The following CNTN6 variants were observed in gnomAD, a reference collection of about 807,000 sequenced individuals.
CNTN6 encodes contactin 6.
In CNTN6, 137 loss-of-function variants were observed where a neutral mutation model predicts 122.8. The ratio of observed to expected loss-of-function variants is 1.12; its 90% confidence interval spans 0.97 to 1.29. The LOEUF (loss-of-function observed/expected upper bound fraction) is 1.29. Among genes scored for constraint, CNTN6 ranks in the 50% most tolerant of loss-of-function variants. CNTN6 has a pLI of 0.00. For synonymous variants in CNTN6, 570 were observed against 426.0 expected (o/e 1.34, Z -4.16); for missense variants, 1,634 against 1,223.4 (o/e 1.34, Z -5.01).
At position 1,278,427 on chromosome 3, in the gene CNTN6, G is replaced by T; in HGVS notation, c.373G>T (p.Glu125Ter). ...KLQFAYIEDF[E>*]TKTRSTVSVR... ...TGTTTTCCAAGATATTGAAGACTTT[G>T]AAACTAAAACAAGAAGCACAGTATC... Residue 125 changes from glutamate to a stop codon, truncating the protein, a stop_gained, in exon 5 of 23, where the codon GAA becomes TAA. Coordinates refer to ENST00000446702, the MANE Select transcript of CNTN6 (RefSeq NM_001289080.2). LOFTEE classifies it high-confidence loss of function. The T allele has an allele frequency of 1.2e-6, 2 of 1,605,144 alleles. No homozygotes were observed. The highest frequency in any genetic ancestry group is 8.5e-7 in the Non-Finnish European group (1 of 1,174,010).
chr3:1,307,329 G>T (rs1386410404), intron 7 of CNTN6, among the ~76,000 whole-genome samples: 1 of 151,880 alleles, frequency 6.6e-6, no homozygotes, highest in Non-Finnish European at 1.5e-5. Flanking sequence ...ATTATTTAAG[G>T]GTTTCTTGTA....
At chr3:1,331,739 T>G (rs1010172460) in intron 11 of CNTN6, among the ~76,000 whole-genome samples, 1 of 151,694 alleles carries the variant, frequency 6.6e-6, no homozygotes, top group Admixed American at 6.6e-5. Flanking sequence ...ATGATGGCAT[T>G]TACCTTCCAC....
chr3:1,382,078 C>T (rs1280608594), intron 17 of CNTN6, among the ~76,000 whole-genome samples: 1 of 151,290 alleles, frequency 6.6e-6, no homozygotes, highest in African/African-American at 2.4e-5. Flanking sequence ...TCAGGTGTTG[C>T]CTTTATTAGT....
At chr3:1,371,412 C>A (rs1034695812) in intron 12 of CNTN6, among the ~76,000 whole-genome samples, 1 of 151,872 alleles carries the variant, frequency 6.6e-6, no homozygotes, top group Non-Finnish European at 1.5e-5. Flanking sequence ...ACAATTTATT[C>A]TTGGTAAGAT....
chr3:1,364,017 G>C (rs965792068), intron 12 of CNTN6, among the ~76,000 whole-genome samples: 2 of 151,894 alleles, frequency 1.3e-5, no homozygotes, highest in Admixed American at 1.3e-4. Flanking sequence ...ATGATGTTGA[G>C]CACATTTTCA....
At chr3:1,257,146 T>A (rs933926655) in intron 4 of CNTN6, among the ~76,000 whole-genome samples, 1 of 152,166 alleles carries the variant, frequency 6.6e-6, no homozygotes. Flanking sequence ...TTTTCTTATC[T>A]GTTTATTGGC....
rs140931272 is a variant in CNTN6 at position 1,328,902 on chromosome 3, G to T, written c.1214-883G>T. Among the ~76,000 whole-genome samples the T allele has an allele frequency of 2.0e-3, 305 of 151,568 alleles. 1 individual carries two copies. The highest frequency in any genetic ancestry group is 7.0e-3 in the African/African-American group (288 of 41,388). On this transcript the variant is annotated intron_variant, in intron 10 of 22. Transcript: ENST00000446702. ...TTCTTGTCCTTCTGAACTGGCATTT[G>T]TTCAACATATATTTAGTGGGGAAAA...
intron 2 of CNTN6, among the ~76,000 whole-genome samples, chr3:1,197,999 G>T (rs1464103438): frequency 6.6e-6 from 1 of 152,112 alleles, no homozygotes; most frequent in Non-Finnish European, 1.5e-5. Flanking sequence ...AAAAAGCAAA[G>T]ACAGACAAGC....
intron 7 of CNTN6, among the ~76,000 whole-genome samples, chr3:1,302,938 TA>T (rs1281355196): frequency 2.7e-5 from 2 of 73,178 alleles, no homozygotes; most frequent in Non-Finnish European, 7.0e-5. Context: ...TTAATCTTTT[TA>T]AAATTTTTAT....
At chr3:1,105,314 A>G (rs6795010) in intron 1 of CNTN6, among the ~76,000 whole-genome samples, 9,831 of 152,156 alleles carry the variant, frequency 0.065, 420 homozygotes, top group Non-Finnish European at 0.089. Flanking sequence ...TGAACCATTC[A>G]TATCTGCTCA....
intron 1 of CNTN6, among the ~76,000 whole-genome samples, chr3:1,118,910 C>G (rs938515712): frequency 6.6e-6 from 1 of 152,060 alleles, no homozygotes; most frequent in African/African-American, 2.4e-5. Context: ...TTTCCTCTCT[C>G]CTTTTTCTTT....
intron 20 of CNTN6, among the ~76,000 whole-genome samples, chr3:1,387,755 G>C (rs557622709): frequency 3.3e-5 from 5 of 149,632 alleles, no homozygotes; most frequent in African/African-American, 1.2e-4. Flanking sequence ...CTTGGGAAGC[G>C]CAAGGGGTCA....
chr3:1,395,592 G>A (rs188494152), intron 20 of CNTN6, among the ~76,000 whole-genome samples: 47 of 152,022 alleles, frequency 3.1e-4, no homozygotes, highest in African/African-American at 1.0e-3. Flanking sequence ...TCCCTTGTAC[G>A]GACCCTCCTG....
intron 7 of CNTN6, among the ~76,000 whole-genome samples, chr3:1,314,105 G>T (rs1699776395): frequency 6.6e-6 from 1 of 151,990 alleles, no homozygotes; most frequent in Non-Finnish European, 1.5e-5. Flanking sequence ...ACACCACTCA[G>T]AGTAAAATAA....
intron 12 of CNTN6, among the ~76,000 whole-genome samples, chr3:1,353,114 C>T (rs1371147611): frequency 4.0e-5 from 6 of 151,618 alleles, no homozygotes; most frequent in African/African-American, 1.5e-4. Flanking sequence ...TATCTATTCC[C>T]TTTCCTTGCT....
intron 11 of CNTN6, among the ~76,000 whole-genome samples, chr3:1,338,739 GA>G (rs532027438): frequency 3.6e-4 from 55 of 152,228 alleles, no homozygotes; most frequent in African/African-American, 1.3e-3. Context: ...TTTATAGACA[GA>G]AAAGGTCAAT....
At chr3:1,364,158 G>A (rs1707876059) in intron 12 of CNTN6, among the ~76,000 whole-genome samples, 1 of 151,924 alleles carries the variant, frequency 6.6e-6, no homozygotes, top group Admixed American at 6.6e-5. Context: ...ATCTTAATAT[G>A]TAGCGTAATT....
At chr3:1,187,544 C>G (rs78990087) in intron 2 of CNTN6, among the ~76,000 whole-genome samples, 1 of 152,136 alleles carries the variant, frequency 6.6e-6, no homozygotes, top group Non-Finnish European at 1.5e-5. Context: ...TTTCCCTCCT[C>G]TAGCCCAGCA....
At chr3:1,279,378 A>T (rs1692970861) in intron 5 of CNTN6, among the ~76,000 whole-genome samples, 1 of 27,742 alleles carries the variant, frequency 3.6e-5, no homozygotes, top group Non-Finnish European at 7.5e-5. Context: ...AACCAATATC[A>T]CACTATATTA....
Sources: allele counts gnomAD v4.1 joint callset (sites outside exome capture counted in the v4.1 genomes callset), GRCh38; gene constraint gnomAD v4.1.1; transcripts MANE v1.5; gene names NCBI Gene and HGNC (gene_info 2026-07-23, HGNC 2026-07-21).